SND1: variants seen among roughly 807,000 people sequenced by gnomAD.
SND1 encodes staphylococcal nuclease and tudor domain containing 1, also known as staphylococcal nuclease domain-containing protein 1.
A neutral mutation model predicts 121.7 loss-of-function variants in SND1; 38 were observed. The ratio of observed to expected loss-of-function variants is 0.31; its 90% CI spans 0.24 to 0.41. SND1 has a LOEUF of 0.41. Among genes scored for constraint, SND1 ranks in the 10% least tolerant of loss-of-function variants. The pLI is 1.00. For synonymous variants in SND1, 401 were observed against 447.4 expected, an observed-to-expected ratio of 0.90 and a Z score of 1.31; for missense variants, 868 against 1,184.6, an observed-to-expected ratio of 0.73 and a Z score of 3.92.
At chr7:128,051,994 A>G (rs1793054901) in intron 16 of SND1, among the ~76,000 whole-genome samples, 1 of 152,246 alleles carries the variant, frequency 6.6e-6, no homozygotes, top group Non-Finnish European at 1.5e-5. Context: ...AGTTCAAGTT[A>G]GAGGGCATTC....
At chr7:127,799,988 A>C (rs191474178) in intron 10 of SND1, among the ~76,000 whole-genome samples, 197 of 152,338 alleles carry the variant, frequency 1.3e-3, no homozygotes, top group Non-Finnish European at 1.8e-3. Flanking sequence ...TCTAGTTATC[A>C]GACCTGCCTT....
chr7:127,796,311 C>G (rs975817520), intron 10 of SND1, among the ~76,000 whole-genome samples: 3 of 152,084 alleles, frequency 2.0e-5, no homozygotes, highest in Non-Finnish European at 4.4e-5. Context: ...CTTTAAAGTT[C>G]ACTTTGAGAT....
rs769155868 is a variant in SND1 at position 128,043,871 on chromosome 7, C to T, written c.1780-30631C>T. Among the ~76,000 whole-genome samples the T allele has an allele frequency of 4.0e-5, 4 of 100,600 alleles. No individual in the cohort carries two copies. In the East Asian group the frequency reaches 9.8e-4, roughly 25 times the overall value. 66.0% of individuals were successfully genotyped at this position (100,600 alleles called of 152,430 possible). A position where few individuals can be genotyped will look rare whatever the true frequency, so the allele number is the denominator to read the frequency against. ...GTATATATATACACATATACACACA[C>T]ACACACACACACACACACGTAATAA... On this transcript the variant is annotated intron_variant, in intron 16 of 23. Transcript: ENST00000354725.
At chr7:127,950,773 T>C (rs1801443772) in intron 15 of SND1, among the ~76,000 whole-genome samples, 1 of 152,186 alleles carries the variant, frequency 6.6e-6, no homozygotes, top group Admixed American at 6.6e-5. Flanking sequence ...ATCTCAGATG[T>C]ATATAGGATT....
intron 12 of SND1, among the ~76,000 whole-genome samples, chr7:127,876,720 A>G (rs1799698051): frequency 6.6e-6 from 1 of 152,154 alleles, no homozygotes; most frequent in Non-Finnish European, 1.5e-5. Flanking sequence ...ACTTTCTTCA[A>G]GCTTGATCCA....
chr7:127,847,120 A>T (rs1799079385), intron 12 of SND1, among the ~76,000 whole-genome samples: 1 of 152,108 alleles, frequency 6.6e-6, no homozygotes, highest in Non-Finnish European at 1.5e-5. Flanking sequence ...ATACAAAAAA[A>T]AATTAGCTGA....
chr7:127,863,026 C>T (rs1198345310), intron 12 of SND1, among the ~76,000 whole-genome samples: 1 of 152,108 alleles, frequency 6.6e-6, no homozygotes, highest in African/African-American at 2.4e-5. Context: ...AGAAAGACAT[C>T]GATAGGACTA....
intron 12 of SND1, among the ~76,000 whole-genome samples, chr7:127,848,147 GATTTGCA>G (rs1172165885): frequency 1.3e-5 from 2 of 152,188 alleles, no homozygotes; most frequent in Non-Finnish European, 2.9e-5. Flanking sequence ...CTGTCTCCAT[GATTTGCA>G]ATTTGTGCTC....
chr7:128,088,522 G>T (rs925727950), intron 21 of SND1, among the ~76,000 whole-genome samples: 1 of 143,098 alleles, frequency 7.0e-6, no homozygotes, highest in Non-Finnish European at 1.5e-5. Flanking sequence ...GCACAATCTC[G>T]GCTCACTGCA....
intron 14 of SND1, among the ~76,000 whole-genome samples, chr7:127,908,670 A>G (rs1305660821): frequency 6.6e-6 from 1 of 152,106 alleles, no homozygotes; most frequent in Non-Finnish European, 1.5e-5. Flanking sequence ...GACTTCATAC[A>G]TACATGTTTT....
chr7:127,720,937 GTTTAGAA>G (rs1372339840), intron 9 of SND1, among the ~76,000 whole-genome samples: 2 of 152,068 alleles, frequency 1.3e-5, no homozygotes, highest in Admixed American at 6.5e-5. Flanking sequence ...TTTGATTTTA[GTTTAGAA>G]GCTGTTTCAA....
At position 127,977,694 on chromosome 7, in the gene SND1, C is replaced by T. The variant is rs116848950; in HGVS notation, c.1670-13253C>T. ...ATAAAGAATAAGTATAGGGAAAAATCGAGGGCAGGCACAGGTAGATCGATC... is the reference window on the plus strand; with the variant it reads ...ATAAAGAATAAGTATAGGGAAAAATTGAGGGCAGGCACAGGTAGATCGATC... On this transcript the variant is annotated intron_variant, in intron 15 of 23. Coordinates refer to ENST00000354725, the MANE Select transcript of SND1 (RefSeq NM_014390.4). Among the ~76,000 whole-genome samples the T allele has an allele frequency of 1.9e-4, 29 of 152,124 alleles. No individual in the cohort carries two copies. The East Asian group carries it at 5.2e-3, about 27-fold the overall frequency.
Position 128,074,748 on chromosome 7 carries a change from T to A in SND1, c.1968+58T>A, listed in dbSNP as rs570212981. 19 of 1,472,056 alleles carry A rather than the reference T, an allele frequency of 1.3e-5. No homozygotes were observed. The South Asian group carries it at 2.1e-4, about 17-fold the overall frequency. 91.2% of individuals were successfully genotyped at this position (1,472,056 alleles called of 1,614,324 possible). A position where few individuals can be genotyped will look rare whatever the true frequency, so the allele number is the denominator to read the frequency against. On this transcript the variant is annotated intron_variant, in intron 17 of 23. Transcript: ENST00000354725. Reference sequence around the variant, plus strand: ...CCCTCCCGTCCTCCTCACACACTAATGCTGCTGCCTCCAGAGAACAGGAGG... The same window carrying A: ...CCCTCCCGTCCTCCTCACACACTAAAGCTGCTGCCTCCAGAGAACAGGAGG...
chr7:127,822,187 G>A (rs1798560355), intron 11 of SND1, among the ~76,000 whole-genome samples: 1 of 152,102 alleles, frequency 6.6e-6, no homozygotes, highest in African/African-American at 2.4e-5. Context: ...AGTCCTTTCA[G>A]GGTTATTTTA....
At chr7:128,018,980 T>TAC (rs1803289635) in intron 16 of SND1, among the ~76,000 whole-genome samples, 2 of 152,176 alleles carry the variant, frequency 1.3e-5, no homozygotes, top group Non-Finnish European at 2.9e-5. Flanking sequence ...TTGAATCCCT[T>TAC]ACCCTTACTT....
At chr7:127,766,564 A>T (rs903380539) in intron 10 of SND1, among the ~76,000 whole-genome samples, 1 of 152,002 alleles carries the variant, frequency 6.6e-6, no homozygotes, top group Non-Finnish European at 1.5e-5. Context: ...TCACGAGGTC[A>T]GGAGATCAAG....
chr7:127,991,575 C>A (rs1802525377), intron 16 of SND1, among the ~76,000 whole-genome samples: 1 of 152,202 alleles, frequency 6.6e-6, no homozygotes. Context: ...TAATTTTGCT[C>A]AAGCCTTCAT....
chr7:127,833,507 C>T (rs989098557), intron 11 of SND1, among the ~76,000 whole-genome samples: 1 of 152,002 alleles, frequency 6.6e-6, no homozygotes, highest in African/African-American at 2.4e-5. Context: ...TCAAATGATC[C>T]ACCCACCTTG....
At chr7:127,879,238 G>A (rs1199959184) in intron 12 of SND1, among the ~76,000 whole-genome samples, 3 of 152,084 alleles carry the variant, frequency 2.0e-5, no homozygotes, top group Non-Finnish European at 1.5e-5. Flanking sequence ...GCTTACAGAA[G>A]CCAAATCTGT....
Sources: gnomAD v4.1 joint callset for allele counts (sites outside exome capture counted in the v4.1 genomes callset) on GRCh38, gnomAD v4.1.1 for gene constraint, MANE v1.5 for transcripts, NCBI Gene and HGNC (gene_info 2026-07-23, HGNC 2026-07-21) for gene names.